Variants in NAP1L1 observed in about 807,000 individuals in gnomAD.
The protein encoded by NAP1L1 is nucleosome assembly protein 1-like 1.
A neutral mutation model predicts 58.9 loss-of-function variants in NAP1L1; 9 were observed. The observed-to-expected ratio is 0.15, with a 90% CI of 0.09 to 0.27. NAP1L1 has a LOEUF of 0.27. Among genes scored for constraint, NAP1L1 ranks in the 10% least tolerant of loss-of-function variants. The probability of loss-of-function intolerance (pLI) is 1.00; values close to 1 mark genes in which losing one functional copy is unlikely to be tolerated. For synonymous variants in NAP1L1, 130 were observed against 138.3 expected (o/e 0.94, Z 0.42); for missense variants, 302 against 458.8 (o/e 0.66, Z 3.12).
chr12:76,045,533 T>TTAA lies in NAP1L1; in HGVS notation c.*2893_*2895dup, dbSNP rs1422566880. ...TGAAAGTTAATATATCCTTTCCTGA[T>TTAA]TAAGTGTGCTAAAACAGAAATAGAG... On this transcript the variant is annotated 3_prime_UTR_variant, in exon 15 of 15. Transcript: ENST00000618691. 2 of 152,058 alleles carry TTAA rather than the reference T, an allele frequency of 1.3e-5. No individual in the cohort carries two copies. The highest frequency in any genetic ancestry group is 4.8e-5 in the African/African-American group (2 of 41,440). 9.4% of individuals were successfully genotyped at this position (152,058 alleles called of 1,614,324 possible). A position where few individuals can be genotyped will look rare whatever the true frequency, so the allele number is the denominator to read the frequency against.
chr12:76,076,578 A>ATATATATATATATATC (rs1950188985), intron 1 of NAP1L1, among the ~76,000 whole-genome samples: 1 of 111,816 alleles, frequency 8.9e-6, no homozygotes, highest in African/African-American at 4.0e-5. Flanking sequence ...ATATATATAT[A>ATATATATATATATATC]TATATATATA....
At chr12:76,079,839 C>T (rs552733207) in intron 1 of NAP1L1, among the ~76,000 whole-genome samples, 2 of 152,210 alleles carry the variant, frequency 1.3e-5, no homozygotes, top group African/African-American at 2.4e-5. Flanking sequence ...ATGCATTCTC[C>T]ACCACACTCA....
chr12:76,074,078 T>TA, intron 2 of NAP1L1, 125 bp downstream of exon 2: 1 of 817,106 alleles, frequency 1.2e-6, no homozygotes, highest in Non-Finnish European at 2.0e-6. Context: ...TAGACTTTTG[T>TA]AAAAGTAGGT....
chr12:76,072,025 C>A (rs777591221), intron 2 of NAP1L1, among the ~76,000 whole-genome samples: 1 of 151,222 alleles, frequency 6.6e-6, no homozygotes, highest in Middle Eastern at 3.5e-3. Flanking sequence ...GGTGACCCTA[C>A]ACTGAAATCC....
chr12:76,074,315 A>G (rs1950094480), intron 1 of NAP1L1, 76 bp from the exon 2 acceptor site: 1 of 1,448,374 alleles, frequency 6.9e-7, no homozygotes, highest in Non-Finnish European at 9.1e-7. Flanking sequence ...AAACCCTTTA[A>G]ATCAATACCA....
Position 76,053,859 on chromosome 12 carries a change from T to C in NAP1L1, c.681A>G (p.Glu227=). The change falls in exon 9 of 15, where the codon GAA becomes GAG. Residue 227 remains glutamate, a synonymous_variant. Transcript: ENST00000618691. ...TCATCCTGTATGTCTTTGTCAGCAC[T>C]TCATTTGTAAAATATTCATTGGGTT... ...HFEPNEYFTN[E]VLTKTYRMRS... is the part of the protein sequence containing the mutation. 1.3e-6 allele frequency: 2 copies of C among 1,590,996 alleles called. No homozygotes were observed. The highest frequency in any genetic ancestry group is 1.9e-5 in the Admixed American group (1 of 51,924).
chr12:76,067,318 C>T (rs1051031499), intron 4 of NAP1L1, 53 bp downstream of exon 4: 25 of 1,335,464 alleles, frequency 1.9e-5, no homozygotes, highest in African/African-American at 8.7e-5. Context: ...AAAATAGATA[C>T]GCCTGCAACG....
intron 6 of NAP1L1, among the ~76,000 whole-genome samples, chr12:76,059,279 C>A (rs1949292456): frequency 6.6e-6 from 1 of 152,304 alleles, no homozygotes; most frequent in Middle Eastern, 3.4e-3. Context: ...CAAGTGGGGG[C>A]ACCCCAGATA....
intron 6 of NAP1L1, chr12:76,057,507 C>T (rs929893815): frequency 1.3e-5 from 9 of 688,432 alleles, no homozygotes; most frequent in Admixed American, 4.1e-5. Context: ...GCAGAGCTGG[C>T]GGGGCCTGTG....
At chr12:76,076,184 A>G (rs1348486607) in intron 1 of NAP1L1, among the ~76,000 whole-genome samples, 1 of 152,116 alleles carries the variant, frequency 6.6e-6, no homozygotes, top group Non-Finnish European at 1.5e-5. Context: ...TTCACTCCCC[A>G]GAGATGCTTT....
chr12:76,072,491 C>T (rs1412845390), intron 2 of NAP1L1, among the ~76,000 whole-genome samples: 1 of 151,898 alleles, frequency 6.6e-6, no homozygotes, highest in Non-Finnish European at 1.5e-5. Flanking sequence ...ATAGTAGCTC[C>T]AGAAAGAGAA....
chr12:76,063,865 T>C (rs1222892024), intron 4 of NAP1L1, among the ~76,000 whole-genome samples: 3 of 117,182 alleles, frequency 2.6e-5, no homozygotes, highest in African/African-American at 9.8e-5. Flanking sequence ...AAAAAAGACA[T>C]ACTAGGTTAA....
chr12:76,058,456 G>C (rs1419970371), intron 6 of NAP1L1, among the ~76,000 whole-genome samples: 1 of 149,766 alleles, frequency 6.7e-6, no homozygotes, highest in African/African-American at 2.5e-5. Flanking sequence ...GTGCGATCTC[G>C]GCTCACTGCA....
At chr12:76,076,299 A>C (rs1950165689) in intron 1 of NAP1L1, among the ~76,000 whole-genome samples, 1 of 151,998 alleles carries the variant, frequency 6.6e-6, no homozygotes, top group Non-Finnish European at 1.5e-5. Context: ...TGTAATTATA[A>C]ATTAGTTTGA....
chr12:76,051,341 A>AC (rs397965762), intron 11 of NAP1L1, among the ~76,000 whole-genome samples: 4 of 151,686 alleles, frequency 2.6e-5, no homozygotes, highest in Non-Finnish European at 5.9e-5. Flanking sequence ...AAAAAAAAAA[A>AC]CCCTTGGGTT....
chr12:76,080,536 C>T (rs1950362387), intron 1 of NAP1L1, among the ~76,000 whole-genome samples: 1 of 152,176 alleles, frequency 6.6e-6, no homozygotes, highest in African/African-American at 2.4e-5. Flanking sequence ...TGTGTAAATA[C>T]ATTCTATGAC....
chr12:76,080,518 T>C (rs961822129), intron 1 of NAP1L1, among the ~76,000 whole-genome samples: 6 of 152,188 alleles, frequency 3.9e-5, no homozygotes, highest in Non-Finnish European at 7.3e-5. Context: ...GGCCGTACCA[T>C]CTAGGTTTGT....
intron 4 of NAP1L1, chr12:76,061,049 A>G (rs1420016812): frequency 2.2e-6 from 1 of 445,700 alleles, no homozygotes; most frequent in Admixed American, 2.4e-5. Context: ...GCAAGATTGC[A>G]CCACCACTGC....
At chr12:76,053,010 C>T (rs1310649507) in intron 11 of NAP1L1, 81 bp downstream of exon 11, 1 of 1,353,320 alleles carries the variant, frequency 7.4e-7, no homozygotes, top group Admixed American at 1.9e-5. Context: ...TAACAACCAT[C>T]CCACTCTCCA....
Sources: allele counts gnomAD v4.1 joint callset (sites outside exome capture counted in the v4.1 genomes callset), GRCh38; gene constraint gnomAD v4.1.1; transcripts MANE v1.5; gene names NCBI Gene and HGNC (gene_info 2026-07-23, HGNC 2026-07-21).